Variants in DPYS observed in about 807,000 individuals in gnomAD.
The protein encoded by DPYS is dihydropyrimidinase.
Under a neutral mutation model 50.3 loss-of-function variants are expected in DPYS, and 39 were observed. The ratio of observed to expected loss-of-function variants is 0.78; its 90% CI spans 0.60 to 1.01. DPYS has a LOEUF of 1.01. Among genes scored for constraint, DPYS ranks in the 50% least tolerant of loss-of-function variants. The probability of loss-of-function intolerance (pLI) is 0.00; values close to 1 mark genes in which losing one functional copy is unlikely to be tolerated. For missense variants in DPYS, 659 were observed against 680.9 expected (o/e 0.97, Z 0.36); for synonymous variants, 245 against 250.7 (o/e 0.98, Z 0.22).
intron 1 of DPYS, among the ~76,000 whole-genome samples, chr8:104,458,581 C>G (rs1386380203): frequency 1.3e-5 from 2 of 152,168 alleles, no homozygotes; most frequent in Admixed American, 1.3e-4. Flanking sequence ...ATTACAGTAC[C>G]TGGCACATGA....
At chr8:104,446,242 G>A (rs962673557) in intron 3 of DPYS, among the ~76,000 whole-genome samples, 1 of 151,818 alleles carries the variant, frequency 6.6e-6, no homozygotes, top group Non-Finnish European at 1.5e-5. Context: ...ACACTACTAT[G>A]TACCCCACAA....
intron 6 of DPYS, among the ~76,000 whole-genome samples, chr8:104,426,372 A>G (rs1271412636): frequency 6.6e-6 from 1 of 152,222 alleles, no homozygotes; most frequent in South Asian, 2.1e-4. Flanking sequence ...ACAGAACAAG[A>G]GTTCTTGTAC....
intron 7 of DPYS, among the ~76,000 whole-genome samples, chr8:104,413,027 G>C (rs1285023925): frequency 6.6e-6 from 1 of 152,152 alleles, no homozygotes; most frequent in East Asian, 1.9e-4. Context: ...GAAAATGTGA[G>C]AGCATTTCAT....
At chr8:104,411,741 CCT>C (rs1220290887) in intron 7 of DPYS, 6 of 152,276 alleles carry the variant, frequency 3.9e-5, no homozygotes, top group East Asian at 3.9e-4. Context: ...AGGGGCAGCC[CCT>C]GTTACCCCTT....
At chr8:104,399,700 T>A (rs920087168) in intron 7 of DPYS, among the ~76,000 whole-genome samples, 8 of 151,610 alleles carry the variant, frequency 5.3e-5, no homozygotes, top group African/African-American at 1.9e-4. Context: ...AAACCCCGTC[T>A]CTACTAAAAA....
intron 3 of DPYS, among the ~76,000 whole-genome samples, chr8:104,445,916 G>T (rs1813512356): frequency 6.6e-6 from 1 of 152,048 alleles, no homozygotes; most frequent in Admixed American, 6.6e-5. Context: ...GTGGTGGCGG[G>T]CACCTGTAGT....
chr8:104,458,935 T>C (rs1039710279), intron 1 of DPYS, among the ~76,000 whole-genome samples: 1 of 152,264 alleles, frequency 6.6e-6, no homozygotes, highest in Non-Finnish European at 1.5e-5. Context: ...TCAAATACTT[T>C]CTTGACTTCT....
In DPYS at chr8:104,434,752, G is replaced by C. The variant is rs563580202; in HGVS notation, c.794-5051C>G. Among the ~76,000 whole-genome samples the C allele has an allele frequency of 6.6e-5, 10 of 152,226 alleles. No individual in the cohort carries two copies. The South Asian group carries it at 2.1e-3, about 32-fold the overall frequency. ...AGAGCACAGTACCTAGCATGCGCTT[G>C]GCATCCAAGAACTTTGTTGTTTATG... On this transcript the variant is annotated intron_variant, in intron 4 of 9. Transcript: ENST00000351513.
intron 4 of DPYS, among the ~76,000 whole-genome samples, chr8:104,434,423 A>G (rs778506635): frequency 2.2e-4 from 33 of 152,292 alleles, no homozygotes; most frequent in Non-Finnish European, 4.1e-4. Flanking sequence ...CCTTCCCCGC[A>G]TGGCCTGAAA....
At chr8:104,428,144 G>A (rs1396237354) in intron 5 of DPYS, 23 bp from the exon 6 acceptor site, 1 of 1,613,966 alleles carries the variant, frequency 6.2e-7, no homozygotes, top group East Asian at 2.2e-5. Context: ...AAACACGAGA[G>A]TGATGGGGTG....
chr8:104,426,971 C>G (rs112360570), intron 6 of DPYS, among the ~76,000 whole-genome samples: 1,734 of 152,162 alleles, frequency 0.011, 29 homozygotes, highest in African/African-American at 0.039. Flanking sequence ...GAGGCGAAGG[C>G]GGGTGGATCA....
At chr8:104,386,612 T>C (rs1811221530) in intron 8 of DPYS, among the ~76,000 whole-genome samples, 1 of 151,538 alleles carries the variant, frequency 6.6e-6, no homozygotes, top group Non-Finnish European at 1.5e-5. Flanking sequence ...GATTTTCTTT[T>C]TTTTTTTCTT....
chr8:104,407,559 G>T (rs1337028565), intron 7 of DPYS, among the ~76,000 whole-genome samples: 1 of 152,114 alleles, frequency 6.6e-6, no homozygotes, highest in Non-Finnish European at 1.5e-5. Context: ...ACCAAAAAAT[G>T]AATCCATTGA....
intron 7 of DPYS, among the ~76,000 whole-genome samples, chr8:104,408,996 T>C (rs1331020366): frequency 6.6e-6 from 1 of 151,716 alleles, no homozygotes; most frequent in Non-Finnish European, 1.5e-5. Context: ...GTATTTTTAG[T>C]AGAGACGAGG....
At chr8:104,403,056 C>T (rs1811874643) in intron 7 of DPYS, among the ~76,000 whole-genome samples, 1 of 152,142 alleles carries the variant, frequency 6.6e-6, no homozygotes, top group Non-Finnish European at 1.5e-5. Context: ...TGTATGGGAG[C>T]TCTGTTTTCA....
At chr8:104,447,265 T>C (rs765266899) in intron 3 of DPYS, 59 bp downstream of exon 3, 116 of 1,600,252 alleles carry the variant, frequency 7.2e-5, no homozygotes, top group African/African-American at 9.4e-5. Flanking sequence ...CCCAATCATC[T>C]TCACCTTATG....
Position 104,392,833 on chromosome 8 carries a change from C to T in DPYS, c.1394G>A (p.Arg465Gln), listed in dbSNP as rs746405253. The T allele has an allele frequency of 5.6e-6, 9 of 1,614,024 alleles. No individual in the cohort carries two copies. The highest frequency in any genetic ancestry group is 4.5e-5 in the East Asian group (2 of 44,896). ...VTAGDGKFIP[R>Q]KPFAEYIYKR... is the part of the protein sequence containing the mutation. ...GTAAATATATTCAGCAAATGGTTTT[C>T]GAGGAATAAACTTCCCATCTCCTGC... Residue 465 changes from arginine to glutamine, a missense_variant, in exon 8 of 10, where the codon CGA becomes CAA. Coordinates refer to ENST00000351513, the MANE Select transcript of DPYS (RefSeq NM_001385.3).
rs149927226 is a variant in DPYS, at chr8:104,444,335, T to C, written c.706A>G (p.Ile236Val). The C allele has an allele frequency of 7.4e-6, 12 of 1,614,150 alleles. No homozygotes were observed. In the African/African-American group the frequency reaches 1.1e-4, roughly 14 times the overall value. Residue 236 changes from isoleucine (I) to valine (V), a missense_variant, in exon 4 of 10, where the codon ATA becomes GTA. Coordinates refer to ENST00000351513, the MANE Select transcript of DPYS (RefSeq NM_001385.3). ...AGAGGACAGTTCACAGCGCTGGCTA[T>C]GGTGATGGCTCTCAGCGTGGCCTCT... ...EAEATLRAIT[I>V]ASAVNCPLYI...
chr8:104,465,603 T>C (rs1465615915), intron 1 of DPYS, among the ~76,000 whole-genome samples: 1 of 152,182 alleles, frequency 6.6e-6, no homozygotes, highest in African/African-American at 2.4e-5. Flanking sequence ...GGGGAAATGT[T>C]GCAGGGGTGT....
Sources: allele counts gnomAD v4.1 joint callset (sites outside exome capture counted in the v4.1 genomes callset), GRCh38; gene constraint gnomAD v4.1.1; transcripts MANE v1.5; gene names NCBI Gene and HGNC (gene_info 2026-07-23, HGNC 2026-07-21).